The following ATAD2 variants were observed in gnomAD, a reference collection of about 807,000 sequenced individuals.
The protein encoded by ATAD2 is ATPase family AAA domain containing 2.
A neutral mutation model predicts 168.9 loss-of-function variants in ATAD2; 62 were observed. The ratio of observed to expected loss-of-function variants is 0.37; its 90% CI spans 0.30 to 0.45. The LOEUF is 0.45. ATAD2 is among the 20% of genes least tolerant of loss of function. The pLI, the probability that ATAD2 is intolerant of heterozygous loss-of-function variation, is 1.00. For synonymous variants in ATAD2, 613 were observed against 571.6 expected (o/e 1.07, Z -1.03); for missense variants, 1,419 against 1,667.8 (o/e 0.85, Z 2.60).
Position 123,320,895 on chromosome 8 carries a change from T to TG in ATAD2, c.*238_*239insC. On this transcript the variant is annotated 3_prime_UTR_variant, in exon 28 of 28. Transcript: ENST00000287394. ...TATTAAGAGTTGGCCAAACTTCAACTATTATTACTATTACTACAGGGTCTT... is the reference window on the plus strand; with the variant it reads ...TATTAAGAGTTGGCCAAACTTCAACTGATTATTACTATTACTACAGGGTCTT... The TG allele has an allele frequency of 2.5e-6, 1 of 404,136 alleles. No individual in the cohort carries two copies. Among genetic ancestry groups the TG allele is most frequent in the East Asian group, 4.3e-5 (1 of 23,492 alleles). 25.0% of individuals were successfully genotyped at this position (404,136 alleles called of 1,614,324 possible). A position where few individuals can be genotyped will look rare whatever the true frequency, so the allele number is the denominator to read the frequency against.
intron 1 of ATAD2, among the ~76,000 whole-genome samples, chr8:123,391,612 A>G (rs1375594367): frequency 6.6e-6 from 1 of 152,190 alleles, no homozygotes; most frequent in Admixed American, 6.5e-5. Flanking sequence ...TGCTCTGTCA[A>G]TAAATATGTG....
chr8:123,349,527 T>C, intron 13 of ATAD2, 83 bp from the exon 14 acceptor site: 1 of 1,335,410 alleles, frequency 7.5e-7, no homozygotes, highest in Non-Finnish European at 1.0e-6. Flanking sequence ...TTTTGTAAGA[T>C]TTAACGCATT....
chr8:123,380,750 T>C (rs1829471743), intron 1 of ATAD2, 73 bp from the exon 2 acceptor site: 10 of 1,493,184 alleles, frequency 6.7e-6, no homozygotes, highest in Non-Finnish European at 8.2e-6. Context: ...CCAAAGAGTA[T>C]TCTCTGATTA....
Position 123,402,691 on chromosome 8 carries a change from C to T in ATAD2, c.-2281-1516G>A, listed in dbSNP as rs1296237071. The stretch of plus-strand genomic sequence containing the variant: ...CCCTCATTCCTGACTCACCACCGTC[C>T]CCAGGTGTACCATTCCTGCCCTCTC... On this transcript the variant is annotated intron_variant, in intron 1 of 28. Transcript: ENST00000521903. This position sits in a 1 kb window ranked among gnomAD's most constrained non-coding sequence, Gnocchi z 4.8. Among the ~76,000 whole-genome samples, 1 of 152,142 alleles carries T rather than the reference C, an allele frequency of 6.6e-6. No individual in the cohort carries two copies. The highest frequency in any genetic ancestry group is 2.4e-5 in the African/African-American group (1 of 41,408).
At chr8:123,353,689 G>A (rs1032476033) in intron 13 of ATAD2, among the ~76,000 whole-genome samples, 1 of 152,170 alleles carries the variant, frequency 6.6e-6, no homozygotes, top group East Asian at 1.9e-4. Context: ...CACACTCAGG[G>A]ATGGACATTA....
chr8:123,389,529 A>G (rs1232101856), intron 1 of ATAD2, among the ~76,000 whole-genome samples: 1 of 151,330 alleles, frequency 6.6e-6, no homozygotes, highest in Non-Finnish European at 1.5e-5. Flanking sequence ...AGTCCCAGCT[A>G]CTCAGGAGGC....
At chr8:123,377,560 A>G (rs913069014) in intron 2 of ATAD2, among the ~76,000 whole-genome samples, 2 of 152,242 alleles carry the variant, frequency 1.3e-5, no homozygotes, top group Non-Finnish European at 2.9e-5. Context: ...AAAACTATAA[A>G]ACCATCAATA....
intron 13 of ATAD2, among the ~76,000 whole-genome samples, chr8:123,354,957 A>C (rs1828594370): frequency 6.7e-6 from 1 of 149,438 alleles, no homozygotes; most frequent in Admixed American, 6.7e-5. Flanking sequence ...ATACCTTTAG[A>C]AGTATCCCAA....
At chr8:123,353,318 C>G (rs901611226) in intron 13 of ATAD2, among the ~76,000 whole-genome samples, 3 of 152,024 alleles carry the variant, frequency 2.0e-5, no homozygotes, top group Admixed American at 1.3e-4. Flanking sequence ...GAGCCAAGAT[C>G]ATACCACTGC....
At chr8:123,347,484 G>A in intron 15 of ATAD2, 78 bp from the exon 16 acceptor site, 1 of 1,323,342 alleles carries the variant, frequency 7.6e-7, no homozygotes, top group Non-Finnish European at 1.0e-6. Flanking sequence ...CATGACCATG[G>A]TTAAAAAAAA....
intron 7 of ATAD2, 28 bp downstream of exon 7, chr8:123,369,793 T>G: frequency 1.3e-6 from 2 of 1,522,006 alleles, no homozygotes; most frequent in Non-Finnish European, 1.8e-6. Context: ...TAATTACATC[T>G]CCTGGAAAGA....
chr8:123,322,141 C>A (rs1827487047), intron 27 of ATAD2, among the ~76,000 whole-genome samples: 1 of 152,042 alleles, frequency 6.6e-6, no homozygotes, highest in Non-Finnish European at 1.5e-5. Context: ...GTGCACACCA[C>A]CACATCTGGC....
At chr8:123,334,093 TACAAAA>T in intron 23 of ATAD2, 72 bp from the exon 24 acceptor site, 1 of 1,567,608 alleles carries the variant, frequency 6.4e-7, no homozygotes, top group African/African-American at 1.4e-5. Context: ...TAACTAAAAG[TACAAAA>T]TACATCTGAA....
At chr8:123,325,099 CTTTTTT>C (rs761145398) in intron 26 of ATAD2, among the ~76,000 whole-genome samples, 1 of 115,014 alleles carries the variant, frequency 8.7e-6, no homozygotes, top group Non-Finnish European at 1.8e-5. Context: ...AGTAATAATT[CTTTTTT>C]TTTTTTTTTT....
At chr8:123,376,233 C>G (rs151181230) in intron 2 of ATAD2, among the ~76,000 whole-genome samples, 125 of 152,108 alleles carry the variant, frequency 8.2e-4, no homozygotes, top group Middle Eastern at 6.8e-3. Flanking sequence ...TGGTCTCATC[C>G]TGTCTCTACT....
rs1441568000 is a variant in ATAD2, at chr8:123,372,614, G to A, written c.370+23C>T. 4 of 1,532,462 alleles carry A rather than the reference G, an allele frequency of 2.6e-6. No homozygotes were observed. The African/African-American group carries it at 4.2e-5, about 16-fold the overall frequency. The allele number at this position is 1,532,462 out of a possible 1,614,324, so 94.9% of individuals were successfully genotyped here. On this transcript the variant is annotated intron_variant, in intron 3 of 27. Coordinates refer to ENST00000287394, the MANE Select transcript of ATAD2 (RefSeq NM_014109.4). ...ATATTAATTACACATTTTAAGATCT[G>A]AAATGACTTTAACAGTACTTACCTT...
intron 8 of ATAD2, among the ~76,000 whole-genome samples, chr8:123,364,757 G>C (rs1828920702): frequency 6.6e-6 from 1 of 152,040 alleles, no homozygotes; most frequent in Non-Finnish European, 1.5e-5. Flanking sequence ...AGCAAAGTCA[G>C]CATACAAAGA....
chr8:123,357,345 C>G (rs16898253), intron 12 of ATAD2, among the ~76,000 whole-genome samples: 8,475 of 152,234 alleles, frequency 0.056, 783 homozygotes, highest in African/African-American at 0.19. Flanking sequence ...AGACTCCAAA[C>G]AACTAAGATC....
rs1036466044 is a variant in ATAD2, at chr8:123,396,436, G to A, written c.-79C>T. 3.6e-6 allele frequency: 5 copies of A among 1,385,144 alleles called. No individual in the cohort carries two copies. In the African/African-American group the frequency reaches 6.1e-5, roughly 17 times the overall value. 85.8% of individuals were successfully genotyped at this position (1,385,144 alleles called of 1,614,324 possible). A position where few individuals can be genotyped will look rare whatever the true frequency, so the allele number is the denominator to read the frequency against. On this transcript the variant is annotated 5_prime_UTR_variant, in exon 1 of 28. Transcript: ENST00000287394. Reference sequence around the variant, plus strand: ...GCGCTCGCAGCTCTGGCTCTTCCGCGCTCCGAATTCTGGCGCCACAAGCTC... The same window carrying A: ...GCGCTCGCAGCTCTGGCTCTTCCGCACTCCGAATTCTGGCGCCACAAGCTC...
Sources: allele counts gnomAD v4.1 joint callset (sites outside exome capture counted in the v4.1 genomes callset), GRCh38; gene constraint gnomAD v4.1.1; non-coding constraint Gnocchi (gnomAD v3.1); transcripts MANE v1.5; gene names NCBI Gene and HGNC (gene_info 2026-07-23, HGNC 2026-07-21).